The following ROBO2 variants were observed in gnomAD, a reference collection of about 807,000 sequenced individuals.
ROBO2 encodes the protein roundabout homolog 2.
ROBO2 carries 53 observed loss-of-function variants against 160.8 expected under a neutral mutation model. The observed-to-expected ratio is 0.33, with a 90% confidence interval of 0.26 to 0.41. ROBO2 has a LOEUF of 0.41. ROBO2 is among the 10% of genes least tolerant of loss of function. The pLI, the probability that ROBO2 is intolerant of heterozygous loss-of-function variation, is 1.00. For synonymous variants in ROBO2, 664 were observed against 611.7 expected, an observed-to-expected ratio of 1.09 and a Z score of -1.26; for missense variants, 1,577 against 1,722.4, an observed-to-expected ratio of 0.92 and a Z score of 1.49.
chr3:76,162,602 T>G (rs2072684421), intron 2 of ROBO2, among the ~76,000 whole-genome samples: 1 of 152,184 alleles, frequency 6.6e-6, no homozygotes, highest in African/African-American at 2.4e-5. Context: ...CATGAGCCAC[T>G]GGGACCAGAC....
intron 2 of ROBO2, among the ~76,000 whole-genome samples, chr3:77,242,472 T>G (rs1170206108): frequency 6.6e-6 from 1 of 152,188 alleles, no homozygotes; most frequent in Admixed American, 6.5e-5. Flanking sequence ...ATTCTCTAGA[T>G]GTTGTTATCC....
At chr3:77,367,528 G>T (rs548824720) in intron 2 of ROBO2, among the ~76,000 whole-genome samples, 1 of 152,090 alleles carries the variant, frequency 6.6e-6, no homozygotes, top group Non-Finnish European at 1.5e-5. Flanking sequence ...GTAATAAAAA[G>T]AAGACATTCA....
At chr3:76,060,287 A>T (rs2068027481) in intron 2 of ROBO2, among the ~76,000 whole-genome samples, 1 of 120,320 alleles carries the variant, frequency 8.3e-6, no homozygotes, top group African/African-American at 3.8e-5. Context: ...CAGAGACCTG[A>T]TTTTTGTGTA....
At chr3:76,956,511 C>T (rs1176522260) in intron 2 of ROBO2, among the ~76,000 whole-genome samples, 2 of 149,578 alleles carry the variant, frequency 1.3e-5, no homozygotes, top group Non-Finnish European at 3.0e-5. Flanking sequence ...GAGCCGAGAT[C>T]GCGCCACTGC....
At chr3:77,067,504 G>A (rs1037798162) in intron 1 of ROBO2, among the ~76,000 whole-genome samples, 1 of 152,172 alleles carries the variant, frequency 6.6e-6, no homozygotes, top group Admixed American at 6.5e-5. Context: ...TCTAAAATAA[G>A]CTGCGCTTGA....
At chr3:76,513,007 T>A (rs2081177899) in intron 2 of ROBO2, among the ~76,000 whole-genome samples, 1 of 152,080 alleles carries the variant, frequency 6.6e-6, no homozygotes, top group Admixed American at 6.5e-5. Flanking sequence ...CAGAAATACA[T>A]AACACAGTTT....
intron 2 of ROBO2, among the ~76,000 whole-genome samples, chr3:76,562,698 T>G (rs2084271895): frequency 6.6e-6 from 1 of 152,194 alleles, no homozygotes; most frequent in Non-Finnish European, 1.5e-5. Flanking sequence ...ATCTGGTATA[T>G]TACAACCAAA....
rs116633395 is a variant in ROBO2, at chr3:76,403,103, A to T, written c.109+465501A>T. Among the ~76,000 whole-genome samples, 199 of 151,660 alleles carry T rather than the reference A, an allele frequency of 1.3e-3. 1 individual carries two copies. The highest frequency in any genetic ancestry group is 4.5e-3 in the African/African-American group (187 of 41,468). On this transcript the variant is annotated intron_variant, in intron 2 of 26. Transcript: ENST00000487694. ...ACTTTGGAATGTACAAAGAACTGGA[A>T]TATAGTTAAGTTAATTCCCTTGGCA...
At chr3:76,835,411 A>AAT (rs985045232) in intron 2 of ROBO2, among the ~76,000 whole-genome samples, 11 of 147,330 alleles carry the variant, frequency 7.5e-5, no homozygotes, top group Non-Finnish European at 1.6e-4. Context: ...AATAATATAT[A>AAT]ATATATATAA....
At chr3:76,114,516 AT>A (rs1217217023) in intron 2 of ROBO2, among the ~76,000 whole-genome samples, 5 of 152,118 alleles carry the variant, frequency 3.3e-5, no homozygotes, top group Non-Finnish European at 7.4e-5. Context: ...TGCATTATTT[AT>A]TTATATGCCT....
intron 2 of ROBO2, among the ~76,000 whole-genome samples, chr3:76,997,311 G>A (rs1450202262): frequency 6.6e-6 from 1 of 152,030 alleles, no homozygotes; most frequent in African/African-American, 2.4e-5. Flanking sequence ...GATAGTAGAT[G>A]GATAATGTTA....
intron 2 of ROBO2, among the ~76,000 whole-genome samples, chr3:76,181,202 C>T (rs769030327): frequency 5.3e-5 from 8 of 151,806 alleles, no homozygotes; most frequent in Non-Finnish European, 1.0e-4. Context: ...TGTTTGTTGC[C>T]TAGATTTGCT....
chr3:76,329,301 C>T (rs1206023660), intron 2 of ROBO2, among the ~76,000 whole-genome samples: 1 of 152,192 alleles, frequency 6.6e-6, no homozygotes, highest in Non-Finnish European at 1.5e-5. Flanking sequence ...TCACTGCAAC[C>T]TCCACCTGCT....
rs1234441526 is a variant in ROBO2 at position 76,487,148 on chromosome 3, A to AT, written c.109+549546_109+549547insT. ...CTATACCTGGCTAATTTTTTAATTT[A>AT]ATTTTTTTTTTTTGTAGAGACAGTG... On this transcript the variant is annotated intron_variant, in intron 2 of 26. Coordinates refer to the ROBO2 transcript ENST00000487694. Among the ~76,000 whole-genome samples, 679 of 131,116 alleles carry AT rather than the reference A, an allele frequency of 5.2e-3. 5 individuals carry two copies. Among genetic ancestry groups the AT allele is most frequent in the African/African-American group, 0.015 (590 of 38,796 alleles). The allele number at this position is 131,116 out of a possible 152,430, so 86.0% of individuals were successfully genotyped here. A position where few individuals can be genotyped will look rare whatever the true frequency, so the allele number is the denominator to read the frequency against.
intron 15 of ROBO2, among the ~76,000 whole-genome samples, chr3:77,578,378 TATC>T (rs1470025048): frequency 6.6e-6 from 1 of 152,070 alleles, no homozygotes; most frequent in Admixed American, 6.6e-5. Context: ...CATCTATTGA[TATC>T]ATTTATTAAT....
At chr3:77,477,223 C>T (rs1485711981) in intron 2 of ROBO2, among the ~76,000 whole-genome samples, 191 bp from the exon 3 acceptor site, 1 of 152,098 alleles carries the variant, frequency 6.6e-6, no homozygotes, top group Non-Finnish European at 1.5e-5. Context: ...ATAATTTAGT[C>T]AGCCATTCTC....
chr3:76,242,799 C>T (rs1453293386), intron 2 of ROBO2, among the ~76,000 whole-genome samples: 3 of 152,152 alleles, frequency 2.0e-5, no homozygotes, highest in African/African-American at 7.2e-5. Context: ...GTGGGAAGGT[C>T]GCCTGAGCCC....
chr3:76,032,208 T>C (rs2066946137), intron 2 of ROBO2, among the ~76,000 whole-genome samples: 1 of 152,140 alleles, frequency 6.6e-6, no homozygotes, highest in Admixed American at 6.5e-5. Flanking sequence ...TGATATCCCC[T>C]TTATCATTTT....
In ROBO2 at chr3:76,316,989, C is replaced by T. The variant is rs191947081; in HGVS notation, c.109+379387C>T. ...CTAGTTCTAACTTCCAGATAAAATGCTTCTAACCTGCATGCTTAAAATTAT... is the reference window on the plus strand; with the variant it reads ...CTAGTTCTAACTTCCAGATAAAATGTTTCTAACCTGCATGCTTAAAATTAT... On this transcript the variant is annotated intron_variant, in intron 2 of 26. Coordinates refer to the ROBO2 transcript ENST00000487694. 6.6e-5 allele frequency among the ~76,000 whole-genome samples: 10 copies of T among 152,296 alleles called. No homozygotes were observed. In the East Asian group the frequency reaches 1.9e-3, roughly 29 times the overall value.
Sources: gnomAD v4.1 joint callset for allele counts (sites outside exome capture counted in the v4.1 genomes callset) on GRCh38, gnomAD v4.1.1 for gene constraint, MANE v1.5 for transcripts, NCBI Gene and HGNC (gene_info 2026-07-23, HGNC 2026-07-21) for gene names.